ANKRD36B: variants seen among roughly 807,000 people sequenced by gnomAD.
ANKRD36B encodes ankyrin repeat domain-containing protein 36B.
A neutral mutation model predicts 135.7 loss-of-function variants in ANKRD36B; 37 were observed. The ratio of observed to expected loss-of-function variants is 0.27; its 90% CI spans 0.21 to 0.36. The LOEUF is 0.36. Ranked by LOEUF, ANKRD36B falls within the 10% of genes least tolerant of loss-of-function variation. The pLI, the probability that ANKRD36B is intolerant of heterozygous loss-of-function variation, is 1.00. For synonymous variants in ANKRD36B, 179 were observed against 348.1 expected (o/e 0.51, Z 5.41); for missense variants, 549 against 1,037.1 (o/e 0.53, Z 6.46).
At chr2:97,552,693 A>T in intron 16 of ANKRD36B, among the ~76,000 whole-genome samples, 1 of 151,906 alleles carries the variant, frequency 6.6e-6, no homozygotes, top group Non-Finnish European at 1.5e-5. Context: ...CCTGCCTGAC[A>T]ATCCCTCGTC....
At chr2:97,558,718 T>A in intron 10 of ANKRD36B, 81 bp downstream of exon 10, 1 of 1,588,764 alleles carries the variant, frequency 6.3e-7, no homozygotes, top group South Asian at 1.1e-5. Flanking sequence ...CTTCAATGAA[T>A]CCCCCGCTGA....
rs1159226772 is a variant in ANKRD36B at position 97,516,192 on chromosome 2, TAAAAAA to T, written c.2408-253_2408-248del. ...CAGTTATAAACTCAGATAGGTCCTG[TAAAAAA>T]AAAAAAAAAAAAAAAACATAGTTAT... is the stretch of plus-strand genomic sequence containing the variant. On this transcript the variant is annotated intron_variant, in intron 36 of 43. Transcript: ENST00000359901. Among the ~76,000 whole-genome samples the T allele has an allele frequency of 1.3e-3, 42 of 33,522 alleles. 4 individuals carry two copies. The East Asian group carries it at 0.015, about 12-fold the overall frequency. The allele number at this position is 33,522 out of a possible 152,430, so 22.0% of individuals were successfully genotyped here.
At chr2:97,531,261 A>G (rs1345939772) in intron 35 of ANKRD36B, among the ~76,000 whole-genome samples, 1 of 89,150 alleles carries the variant, frequency 1.1e-5, no homozygotes, top group Non-Finnish European at 3.0e-5. Flanking sequence ...TTGTAGGGAC[A>G]TGGATGAAAT....
intron 14 of ANKRD36B, 132 bp from the exon 15 acceptor site, chr2:97,553,503 G>A: frequency 8.6e-7 from 1 of 1,163,712 alleles, no homozygotes; most frequent in East Asian, 2.6e-5. Context: ...TCTACTTTAT[G>A]TCTTAAGCCA....
chr2:97,580,357 AAGTT>A, intron 4 of ANKRD36B, 101 bp downstream of exon 4: 1 of 1,009,134 alleles, frequency 9.9e-7, no homozygotes, highest in East Asian at 2.9e-5. Context: ...CAGTAATTAA[AAGTT>A]AGTCTTCTTA....
chr2:97,553,117 T>A, intron 16 of ANKRD36B, 51 bp downstream of exon 16: 2 of 1,581,284 alleles, frequency 1.3e-6, no homozygotes, highest in Non-Finnish European at 1.7e-6. Context: ...GGTAGAGAAG[T>A]TCGTTTCTAT....
rs984702618 is a variant in ANKRD36B at position 97,569,987 on chromosome 2, A to G, written c.763+6392T>C. Among the ~76,000 whole-genome samples, 25 of 152,308 alleles carry G rather than the reference A, an allele frequency of 1.6e-4. No homozygotes were observed. The East Asian group carries it at 4.2e-3, about 26-fold the overall frequency. On this transcript the variant is annotated intron_variant, in intron 6 of 43. Coordinates refer to ENST00000359901, the MANE Select transcript of ANKRD36B (RefSeq NM_001393939.1). The stretch of plus-strand genomic sequence containing the variant: ...ACAAAATATAAAACAAAACTGAACC[A>G]TCTACATAATTAAAATGAAACAAAT...
intron 10 of ANKRD36B, among the ~76,000 whole-genome samples, chr2:97,557,401 T>C (rs1007119158): frequency 2.6e-5 from 4 of 151,612 alleles, no homozygotes; most frequent in African/African-American, 9.7e-5. Context: ...TCAATATCAA[T>C]GTGGATATGC....
intron 43 of ANKRD36B, among the ~76,000 whole-genome samples, chr2:97,496,933 T>C (rs2077316377): frequency 2.2e-5 from 1 of 44,636 alleles, no homozygotes; most frequent in South Asian, 2.9e-4. Flanking sequence ...ACAAATAGAT[T>C]AATGTTGTTT....
intron 22 of ANKRD36B, among the ~76,000 whole-genome samples, chr2:97,546,841 A>AT (rs2079514124): frequency 6.6e-6 from 1 of 151,810 alleles, no homozygotes; most frequent in East Asian, 1.9e-4. Context: ...TATAACTATA[A>AT]TCAACAAAAT....
intron 6 of ANKRD36B, among the ~76,000 whole-genome samples, chr2:97,564,138 C>T (rs1221174868): frequency 1.3e-5 from 2 of 151,384 alleles, no homozygotes; most frequent in East Asian, 1.9e-4. Context: ...TTTTAATGTG[C>T]ATTTGGGTGA....
Position 97,555,109 on chromosome 2 carries a change from A to G in ANKRD36B, c.1122T>C (p.Ser374=), listed in dbSNP as rs2080394843. Residue 374 remains serine, a synonymous_variant, in exon 14 of 44, where the codon TCT becomes TCC. Coordinates refer to ENST00000359901, the MANE Select transcript of ANKRD36B (RefSeq NM_001393939.1). The part of the protein sequence containing the change: ...ASKTASDKTD[S]ALNTATEIKD... ...TTATTTCTGTAGCTGTATTCAAAGC[A>G]GAATCTGTCTTGTCACTTGCAGTCT... is the stretch of plus-strand genomic sequence containing the variant. The G allele has an allele frequency of 6.2e-7, 1 of 1,611,910 alleles. No individual in the cohort carries two copies. The highest frequency in any genetic ancestry group is 8.5e-7 in the Non-Finnish European group (1 of 1,178,732).
At chr2:97,558,570 G>A (rs1017649046) in intron 10 of ANKRD36B, among the ~76,000 whole-genome samples, 5 of 151,804 alleles carry the variant, frequency 3.3e-5, no homozygotes, top group African/African-American at 1.2e-4. Context: ...TGTCTTTAAT[G>A]GCTCTCCAAC....
At position 97,589,577 on chromosome 2, in the gene ANKRD36B, T is replaced by A. The variant is rs1409929693; in HGVS notation, c.109A>T (p.Lys37Ter). 1.2e-6 allele frequency: 2 copies of A among 1,612,994 alleles called. No individual in the cohort carries two copies. Among genetic ancestry groups the A allele is most frequent in the Non-Finnish European group, 1.7e-6 (2 of 1,179,536 alleles). ...AVLRGNLEKL[K>*]YLLLTYYDAN... The stretch of plus-strand genomic sequence containing the variant: ...TCATAATACGTGAGCAGAAGGTACT[T>A]CAGTTTCTCCAGATTACCACGTAAG... Residue 37 changes from lysine (K) to a stop codon, truncating the protein, a stop_gained, in exon 1 of 44, where the codon AAG becomes TAG. Coordinates refer to ENST00000359901, the MANE Select transcript of ANKRD36B (RefSeq NM_001393939.1). LOFTEE classifies it high-confidence loss of function.
chr2:97,533,236 A>G (rs1324859439), intron 34 of ANKRD36B, among the ~76,000 whole-genome samples: 1 of 97,408 alleles, frequency 1.0e-5, no homozygotes, highest in African/African-American at 3.1e-5. Context: ...CAGATAAATG[A>G]TTTTATTTAA....
At chr2:97,506,833 GA>G (rs2077376176) in intron 43 of ANKRD36B, 1 of 281,974 alleles carries the variant, frequency 3.5e-6, no homozygotes, top group Non-Finnish European at 8.3e-6. Flanking sequence ...TTAAAGCTAT[GA>G]AACATGATGA....
intron 3 of ANKRD36B, among the ~76,000 whole-genome samples, 156 bp from the exon 4 acceptor site, chr2:97,580,724 C>T (rs1462727348): frequency 7.7e-6 from 1 of 129,568 alleles, no homozygotes. Context: ...TTTCTATGTT[C>T]TGCTCCTTCC....
intron 18 of ANKRD36B, among the ~76,000 whole-genome samples, chr2:97,550,087 A>G (rs2079901762): frequency 6.6e-6 from 1 of 151,528 alleles, no homozygotes; most frequent in Non-Finnish European, 1.5e-5. Context: ...TTGCAATGAT[A>G]CTTCAGTTAA....
chr2:97,560,761 A>C lies in ANKRD36B; in HGVS notation c.793-24T>G, dbSNP rs775863880. On this transcript the variant is annotated intron_variant, in intron 7 of 43. Transcript: ENST00000359901. ...GCCTGAATGGGATTTGAAACAAAAT[A>C]ATCAATATGTAAAGTAGGTTTCATA... The C allele has an allele frequency of 1.9e-6, 3 of 1,596,824 alleles. No individual in the cohort carries two copies. In the African/African-American group the frequency reaches 4.0e-5, roughly 21 times the overall value.
Sources: allele counts gnomAD v4.1 joint callset (sites outside exome capture counted in the v4.1 genomes callset), GRCh38; gene constraint gnomAD v4.1.1; transcripts MANE v1.5; gene names NCBI Gene and HGNC (gene_info 2026-07-23, HGNC 2026-07-21).